The following DLGAP1 variants were observed in gnomAD, a reference collection of about 807,000 sequenced individuals.
DLGAP1 encodes the protein disks large-associated protein 1.
A neutral mutation model predicts 90.8 loss-of-function variants in DLGAP1; 11 were observed. The observed-to-expected ratio is 0.12, with a 90% CI of 0.08 to 0.20. DLGAP1 has a LOEUF of 0.20. Ranked by LOEUF, DLGAP1 falls within the 10% of genes least tolerant of loss-of-function variation. The pLI, the probability that DLGAP1 is intolerant of heterozygous loss-of-function variation, is 1.00. For missense variants in DLGAP1, 1,050 were observed against 1,333.8 expected (o/e 0.79, Z 3.31); for synonymous variants, 558 against 540.7 (o/e 1.03, Z -0.44).
intron 2 of DLGAP1, among the ~76,000 whole-genome samples, chr18:4,089,905 T>C (rs1034322556): frequency 6.6e-5 from 10 of 152,150 alleles, no homozygotes; most frequent in East Asian, 1.9e-4. Flanking sequence ...ATTAGCCAGG[T>C]GCGGTGGCGG....
At chr18:4,368,911 A>G (rs147707730) in intron 1 of DLGAP1, among the ~76,000 whole-genome samples, 126 of 152,278 alleles carry the variant, frequency 8.3e-4, no homozygotes, top group Non-Finnish European at 1.4e-3. Flanking sequence ...AGCAAGCAAT[A>G]TTTCTCCCAT....
In DLGAP1 at chr18:3,848,324, A is replaced by C. The variant is rs80119265; in HGVS notation, c.957+30788T>G. ...TAGGGAGGAGGGAGGAGAAGGACAA[A>C]TATCAAACTCTCACACTTTTATTTT... On this transcript the variant is annotated intron_variant, in intron 4 of 12. Coordinates refer to ENST00000315677, the MANE Select transcript of DLGAP1 (RefSeq NM_004746.4). Among the ~76,000 whole-genome samples the C allele has an allele frequency of 5.4e-3, 818 of 152,074 alleles. 13 individuals are homozygous for C. Among genetic ancestry groups the C allele is most frequent in the African/African-American group, 0.019 (768 of 41,488 alleles).
At chr18:3,529,693 G>A (rs2051867781) in intron 10 of DLGAP1, among the ~76,000 whole-genome samples, 1 of 152,104 alleles carries the variant, frequency 6.6e-6, no homozygotes, top group South Asian at 2.1e-4. Flanking sequence ...AAAATAATGT[G>A]GGAAGTACCT....
At chr18:4,415,669 T>C (rs112299179) in intron 1 of DLGAP1, among the ~76,000 whole-genome samples, 182 of 152,322 alleles carry the variant, frequency 1.2e-3, no homozygotes, top group African/African-American at 4.1e-3. Flanking sequence ...TCAGCTGATA[T>C]AGATTCAAAA....
chr18:4,419,617 GTTAAAT>G (rs1203653833), intron 1 of DLGAP1, among the ~76,000 whole-genome samples: 4 of 151,396 alleles, frequency 2.6e-5, no homozygotes, highest in Admixed American at 6.6e-5. Flanking sequence ...ATATTTCAAT[GTTAAAT>G]TTATGAAAAT....
chr18:3,848,521 A>C (rs2148672007), intron 4 of DLGAP1, among the ~76,000 whole-genome samples: 1 of 152,218 alleles, frequency 6.6e-6, no homozygotes, highest in Middle Eastern at 3.4e-3. Flanking sequence ...AACTTCACTT[A>C]GATACTTCAA....
intron 5 of DLGAP1, among the ~76,000 whole-genome samples, chr18:3,782,077 C>A (rs755009865): frequency 7.7e-4 from 117 of 151,340 alleles, no homozygotes; most frequent in Non-Finnish European, 1.4e-3. Flanking sequence ...TTCCCAATGA[C>A]CATCTTGGTG....
At chr18:4,154,836 T>C (rs2076729714) in intron 1 of DLGAP1, among the ~76,000 whole-genome samples, 1 of 152,212 alleles carries the variant, frequency 6.6e-6, no homozygotes, top group Non-Finnish European at 1.5e-5. Context: ...CCCACCGTTC[T>C]GCAAAGATTT....
intron 3 of DLGAP1, among the ~76,000 whole-genome samples, chr18:3,957,212 A>C (rs1046781715): frequency 1.3e-5 from 2 of 152,214 alleles, no homozygotes; most frequent in African/African-American, 4.8e-5. Flanking sequence ...ACTGATTTGA[A>C]GATGCTTTGC....
At chr18:4,001,819 G>A (rs16945808) in intron 3 of DLGAP1, among the ~76,000 whole-genome samples, 1 of 151,910 alleles carries the variant, frequency 6.6e-6, no homozygotes, top group Non-Finnish European at 1.5e-5. Context: ...GGTTCTCTTG[G>A]GTTCACCCAC....
At chr18:3,677,059 G>T (rs1314882515) in intron 7 of DLGAP1, among the ~76,000 whole-genome samples, 3 of 151,932 alleles carry the variant, frequency 2.0e-5, no homozygotes, top group Admixed American at 6.6e-5. Context: ...AATATCTTCT[G>T]TAGCGACTTC....
chr18:3,646,387 AAAAAAG>A (rs1240477685), intron 7 of DLGAP1, among the ~76,000 whole-genome samples: 2 of 152,012 alleles, frequency 1.3e-5, no homozygotes, highest in Admixed American at 6.6e-5. Context: ...CCTGTTTCCA[AAAAAAG>A]AAAAAGAAAA....
At chr18:3,674,198 C>G (rs1353062841) in intron 7 of DLGAP1, among the ~76,000 whole-genome samples, 1 of 151,414 alleles carries the variant, frequency 6.6e-6, no homozygotes, top group East Asian at 1.9e-4. Context: ...TGCCTGTAAT[C>G]CCAGCACTTT....
Position 3,498,933 on chromosome 18 carries a change from A to T in DLGAP1, c.*252T>A, listed in dbSNP as rs1352051162. On this transcript the variant is annotated 3_prime_UTR_variant, in exon 13 of 13. Transcript: ENST00000315677. Reference sequence around the variant, plus strand: ...AGAAAATAAAGGGTTGGATCTCAGTATGAGGCAGGGCGACGGCATCAGGAC... The same window carrying T: ...AGAAAATAAAGGGTTGGATCTCAGTTTGAGGCAGGGCGACGGCATCAGGAC... 2 of 519,262 alleles carry T rather than the reference A, an allele frequency of 3.9e-6. No homozygotes were observed. The highest frequency in any genetic ancestry group is 3.7e-5 in the Admixed American group (1 of 27,368). 32.2% of individuals were successfully genotyped at this position (519,262 alleles called of 1,614,324 possible).
At chr18:3,921,059 GT>G (rs1473990916) in intron 3 of DLGAP1, among the ~76,000 whole-genome samples, 1 of 152,130 alleles carries the variant, frequency 6.6e-6, no homozygotes, top group Non-Finnish European at 1.5e-5. Flanking sequence ...TTCCAACATA[GT>G]AATGTAACTT....
At chr18:4,205,953 T>C (rs978598614) in intron 1 of DLGAP1, among the ~76,000 whole-genome samples, 1 of 152,108 alleles carries the variant, frequency 6.6e-6, no homozygotes, top group African/African-American at 2.4e-5. Flanking sequence ...AGGAAACTGT[T>C]TAGCGATTCA....
rs2049818230 is a variant in DLGAP1, at chr18:3,499,530, AC to A, written c.2725-137del. The A allele has an allele frequency of 1.2e-6, 1 of 842,248 alleles. No individual in the cohort carries two copies. The allele number at this position is 842,248 out of a possible 1,614,324, so 52.2% of individuals were successfully genotyped here. A position where few individuals can be genotyped will look rare whatever the true frequency, so the allele number is the denominator to read the frequency against. The stretch of plus-strand genomic sequence containing the variant: ...GTTCTGATCTGCACACTGCATATCT[AC>A]TTTTTTCTTCATTATTCTGGCTTGG... On this transcript the variant is annotated intron_variant, in intron 12 of 12. Coordinates refer to ENST00000315677, the MANE Select transcript of DLGAP1 (RefSeq NM_004746.4). The surrounding 1 kb of genome is among the most constrained non-coding windows in gnomAD (Gnocchi z 6.4).
intron 1 of DLGAP1, among the ~76,000 whole-genome samples, chr18:4,431,305 G>C (rs62087835): frequency 0.036 from 5,542 of 152,230 alleles, 145 homozygotes; most frequent in South Asian, 0.1. Flanking sequence ...AATTATATTG[G>C]TTCTGACCTT....
chr18:3,898,733 A>T (rs1379849590), intron 3 of DLGAP1, among the ~76,000 whole-genome samples: 7 of 152,226 alleles, frequency 4.6e-5, no homozygotes, highest in Non-Finnish European at 1.0e-4. Flanking sequence ...TAAGCATAAT[A>T]AGAAGACACC....
Sources: allele counts gnomAD v4.1 joint callset (sites outside exome capture counted in the v4.1 genomes callset), GRCh38; gene constraint gnomAD v4.1.1; non-coding constraint Gnocchi (gnomAD v3.1); transcripts MANE v1.5; gene names NCBI Gene and HGNC (gene_info 2026-07-23, HGNC 2026-07-21).